PLCE1: variants seen among roughly 807,000 people sequenced by gnomAD.
PLCE1 encodes the protein 1-phosphatidylinositol 4,5-bisphosphate phosphodiesterase epsilon-1.
PLCE1 carries 119 observed loss-of-function variants against 242.8 expected under a neutral mutation model. The ratio of observed to expected loss-of-function variants is 0.49; its 90% CI spans 0.42 to 0.57. The LOEUF is 0.57. Among genes scored for constraint, PLCE1 ranks in the 20% least tolerant of loss-of-function variants. PLCE1 has a pLI of 0.00. For missense variants in PLCE1, 2,441 were observed against 2,788.8 expected (o/e 0.88, Z 2.81); for synonymous variants, 945 against 1,017.4 (o/e 0.93, Z 1.35).
intron 2 of PLCE1, among the ~76,000 whole-genome samples, chr10:94,115,538 T>C (rs1183361094): frequency 6.6e-6 from 1 of 152,244 alleles, no homozygotes; most frequent in East Asian, 1.9e-4. Context: ...CATTTTTTCA[T>C]GTGTCTGTTG....
chr10:94,273,675 G>T lies in PLCE1; in HGVS notation c.4620G>T (p.Lys1540Asn). 1 of 1,613,910 alleles carries T rather than the reference G, an allele frequency of 6.2e-7. No individual in the cohort carries two copies. The highest frequency in any genetic ancestry group is 1.1e-5 in the South Asian group (1 of 91,070). The change falls in exon 19 of 33, where the codon AAG becomes AAT. Residue 1540 changes from lysine (K) to asparagine (N), a missense_variant. Lys to Asn is a moderately conservative substitution (Grantham distance 94, BLOSUM62 0). This residue lies in a region of PLCE1 where 1,004 missense variants were observed against 1,322.7 expected (regional missense o/e 0.76). Transcript: ENST00000371380. ...QLRKKVLLKN[K>N]KLKAHQTPVD... ...GAAAGAAAGTTCTTCTTAAAAACAA[G>T]AAGCTAAAAGCCCATCAGACGCCAG...
intron 2 of PLCE1, among the ~76,000 whole-genome samples, chr10:94,101,962 C>T (rs990767083): frequency 2.0e-5 from 3 of 152,128 alleles, no homozygotes; most frequent in Non-Finnish European, 2.9e-5. Context: ...CAGAACCACT[C>T]GGATGAGTGG....
At position 94,025,530 on chromosome 10, in the gene PLCE1, A is replaced by G. The variant is rs529969242; in HGVS notation, c.-364-5153A>G. On this transcript the variant is annotated intron_variant, in intron 1 of 32. Coordinates refer to ENST00000371380, the MANE Select transcript of PLCE1 (RefSeq NM_016341.4). The stretch of plus-strand genomic sequence containing the variant: ...TACAGTCATCCATTTTTACTCTGTC[A>G]TTCTAAATTCTCTCTGTTTATTTGT... Among the ~76,000 whole-genome samples the G allele has an allele frequency of 2.0e-5, 3 of 152,278 alleles. No homozygotes were observed. In the South Asian group the frequency reaches 6.2e-4, roughly 32 times the overall value.
chr10:94,110,355 C>T (rs879463802), intron 2 of PLCE1, among the ~76,000 whole-genome samples: 1 of 152,080 alleles, frequency 6.6e-6, no homozygotes, highest in Non-Finnish European at 1.5e-5. Context: ...AGCCACCGTG[C>T]CTGGCCAAGG....
intron 13 of PLCE1, among the ~76,000 whole-genome samples, chr10:94,261,513 T>A (rs745453731): frequency 1.3e-5 from 2 of 152,212 alleles, no homozygotes; most frequent in Non-Finnish European, 2.9e-5. Context: ...TTTGGGTAAA[T>A]ACCTAAGAGT....
chr10:94,085,214 A>G (rs1281582960), intron 2 of PLCE1, among the ~76,000 whole-genome samples: 1 of 152,068 alleles, frequency 6.6e-6, no homozygotes, highest in African/African-American at 2.4e-5. Flanking sequence ...GGGACATTAG[A>G]CCCTGCAAAA....
intron 2 of PLCE1, among the ~76,000 whole-genome samples, chr10:94,067,414 G>T (rs969863113): frequency 6.6e-6 from 1 of 152,164 alleles, no homozygotes; most frequent in Non-Finnish European, 1.5e-5. Context: ...GAACCCAGGA[G>T]CCAGAAAGAC....
intron 2 of PLCE1, among the ~76,000 whole-genome samples, chr10:94,074,573 T>A (rs1337688123): frequency 1.3e-5 from 2 of 152,288 alleles, no homozygotes; most frequent in Non-Finnish European, 2.9e-5. Context: ...GTTTAGTAAA[T>A]CTGGTGATTT....
chr10:94,023,552 C>T (rs1057291439), intron 1 of PLCE1, among the ~76,000 whole-genome samples: 21 of 152,160 alleles, frequency 1.4e-4, no homozygotes, highest in African/African-American at 5.1e-4. Flanking sequence ...CTACTAACAT[C>T]AATGACCCAT....
At chr10:94,136,328 A>G (rs944958021) in intron 3 of PLCE1, among the ~76,000 whole-genome samples, 2 of 152,212 alleles carry the variant, frequency 1.3e-5, no homozygotes, top group Non-Finnish European at 2.9e-5. Context: ...TGATAGTTGC[A>G]CAGCAATATG....
chr10:94,158,855 T>TTTC (rs1491419152), intron 3 of PLCE1, among the ~76,000 whole-genome samples: 2 of 62,020 alleles, frequency 3.2e-5, no homozygotes, highest in Non-Finnish European at 4.2e-5. Flanking sequence ...CTTCTTTTTC[T>TTTC]TTTTTTTTTT....
chr10:94,212,301 G>A (rs868155063), intron 4 of PLCE1, among the ~76,000 whole-genome samples: 2 of 152,082 alleles, frequency 1.3e-5, no homozygotes, highest in Admixed American at 6.6e-5. Flanking sequence ...CTGTTGCCCA[G>A]GCCGGAGTGC....
intron 1 of PLCE1, among the ~76,000 whole-genome samples, chr10:94,006,585 T>C (rs1025088874): frequency 3.3e-5 from 5 of 152,228 alleles, no homozygotes; most frequent in African/African-American, 1.2e-4. Flanking sequence ...AATGAGATGG[T>C]GTCAAAAACA....
intron 4 of PLCE1, among the ~76,000 whole-genome samples, chr10:94,190,748 C>T (rs2048634349): frequency 6.6e-6 from 1 of 152,200 alleles, no homozygotes; most frequent in Non-Finnish European, 1.5e-5. Context: ...GAAGAAATAT[C>T]TAGTTTGGTA....
At chr10:94,149,545 T>G (rs1283301996) in intron 3 of PLCE1, among the ~76,000 whole-genome samples, 2 of 152,204 alleles carry the variant, frequency 1.3e-5, no homozygotes, top group Non-Finnish European at 2.9e-5. Flanking sequence ...CATCAGAATC[T>G]CAAGCCTCAC....
chr10:94,291,839 G>T (rs73319898), intron 22 of PLCE1, among the ~76,000 whole-genome samples: 6,285 of 152,142 alleles, frequency 0.041, 425 homozygotes, highest in African/African-American at 0.14. Context: ...GTTCTTTGTT[G>T]CTTCTTCATT....
chr10:94,080,991 T>C (rs563661579), intron 2 of PLCE1, among the ~76,000 whole-genome samples: 188 of 152,320 alleles, frequency 1.2e-3, no homozygotes, highest in African/African-American at 4.3e-3. Flanking sequence ...CCACATGAAT[T>C]GTTGGAACAC....
chr10:94,278,636 A>C (rs2052055781), intron 19 of PLCE1, among the ~76,000 whole-genome samples: 1 of 152,194 alleles, frequency 6.6e-6, no homozygotes. Flanking sequence ...CATTCTGAGA[A>C]GGGATCCTGT....
In PLCE1 at chr10:94,254,982, G is replaced by A. The variant is rs578176464; in HGVS notation, c.3487G>A (p.Gly1163Arg). Reference sequence around the variant, plus strand: ...AGCTGGGTCCCCCAACTTGGCTGCCGGGACGTCATCTCCCATCAGGCCAGT... The same window carrying A: ...AGCTGGGTCCCCCAACTTGGCTGCCAGGACGTCATCTCCCATCAGGCCAGT... ...TTAGSPNLAA[G>R]TSSPIRPVSS... is the part of the protein sequence containing the mutation. Residue 1163 changes from glycine to arginine, a missense_variant, in exon 11 of 33, where the codon GGG becomes AGG. Transcript: ENST00000371380. The A allele has an allele frequency of 4.1e-5, 66 of 1,614,056 alleles. No individual in the cohort carries two copies. Among genetic ancestry groups the A allele is most frequent in the South Asian group, 3.0e-4 (27 of 91,078 alleles).
Sources: gnomAD v4.1 joint callset for allele counts (sites outside exome capture counted in the v4.1 genomes callset) on GRCh38, gnomAD v4.1.1 for gene constraint, gnomAD v4.1.1 regional missense constraint, MANE v1.5 for transcripts, NCBI Gene and HGNC (gene_info 2026-07-23, HGNC 2026-07-21) for gene names.